Variants in UCK1 observed in about 807,000 individuals in gnomAD.
UCK1 encodes the protein uridine-cytidine kinase 1, also known as cytidine monophosphokinase 1.
A neutral mutation model predicts 34.0 loss-of-function variants in UCK1; 20 were observed. The ratio of observed to expected loss-of-function variants is 0.59; its 90% CI spans 0.41 to 0.86. The LOEUF (loss-of-function observed/expected upper bound fraction) is 0.86. UCK1 is among the 40% of genes least tolerant of loss of function. UCK1 has a pLI of 0.00. For synonymous variants in UCK1, 168 were observed against 155.9 expected (o/e 1.08, Z -0.58); for missense variants, 343 against 383.6 (o/e 0.89, Z 0.88).
intron 2 of UCK1, among the ~76,000 whole-genome samples, chr9:131,530,065 C>T (rs575766420): frequency 6.6e-6 from 1 of 152,240 alleles, no homozygotes; most frequent in Non-Finnish European, 1.5e-5. Context: ...CTTCAAGCCA[C>T]CAGCACTAGT....
At chr9:131,530,460 C>T in intron 2 of UCK1, 26 bp downstream of exon 2, 1 of 1,612,840 alleles carries the variant, frequency 6.2e-7, no homozygotes, top group Non-Finnish European at 8.5e-7. Flanking sequence ...GTCTGCCCTC[C>T]CCACATCGTT....
In UCK1 at chr9:131,524,996, C is replaced by T. The variant is rs1443240867; in HGVS notation, c.*44G>A. On this transcript the variant is annotated 3_prime_UTR_variant, in exon 7 of 7. Coordinates refer to ENST00000372215, the MANE Select transcript of UCK1 (RefSeq NM_031432.5). ...GGCGTCCCCAGGCTCAGTCCCTGAA[C>T]ACACATGCCGGGCGGGAGACCTGCC... 1 of 1,588,368 alleles carries T rather than the reference C, an allele frequency of 6.3e-7. No individual in the cohort carries two copies. Among genetic ancestry groups the T allele is most frequent in the East Asian group, 2.2e-5 (1 of 44,498 alleles).
At chr9:131,530,240 C>T (rs1004518612) in intron 2 of UCK1, among the ~76,000 whole-genome samples, 4 of 152,178 alleles carry the variant, frequency 2.6e-5, no homozygotes, top group Non-Finnish European at 5.9e-5. Context: ...GGGCAGGGCT[C>T]CCCACAGTGC....
chr9:131,528,189 A>G (rs1324801245), intron 5 of UCK1, among the ~76,000 whole-genome samples: 1 of 143,626 alleles, frequency 7.0e-6, no homozygotes, highest in Middle Eastern at 3.4e-3. Flanking sequence ...AAAAAAAAGC[A>G]GCAGATAGAA....
Position 131,523,867 on chromosome 9 carries a change from A to AT in UCK1, c.*1172_*1173insA, listed in dbSNP as rs1014753547. On this transcript the variant is annotated 3_prime_UTR_variant, in exon 7 of 7. Transcript: ENST00000372215. ...GGGGCCTAAGCTCGACAAAACCGTT[A>AT]CAGTTGTCAGAACCCAGCCACAGGG... 4.4e-4 allele frequency: 67 copies of AT among 152,552 alleles called. No homozygotes were observed. The highest frequency in any genetic ancestry group is 1.5e-3 in the African/African-American group (64 of 41,592). 9.4% of individuals were successfully genotyped at this position (152,552 alleles called of 1,614,324 possible).
chr9:131,526,010 G>A (rs2131978114), intron 5 of UCK1, 33 bp from the exon 6 acceptor site: 1 of 1,613,298 alleles, frequency 6.2e-7, no homozygotes, highest in Non-Finnish European at 8.5e-7. Context: ...TTCCTGTGAG[G>A]ACTTTTCCTT....
chr9:131,531,134 G>C lies in UCK1; in HGVS notation c.41C>G (p.Pro14Arg). 6.9e-7 allele frequency: 1 copy of C among 1,450,350 alleles called. No homozygotes were observed. The highest frequency in any genetic ancestry group is 9.0e-7 in the Non-Finnish European group (1 of 1,105,352). 89.8% of individuals were successfully genotyped at this position (1,450,350 alleles called of 1,614,324 possible). The change falls in exon 1 of 7, where the codon CCG becomes CGG. Residue 14 changes from proline to arginine, a missense_variant. By Grantham distance (103) the Pro-to-Arg change is moderately radical. Transcript: ENST00000372215. ...AGGEDCESPA[P>R]EADRPHQRPF... Reference sequence around the variant, plus strand: ...CCGCTGGTGCGGACGGTCGGCCTCCGGCGCGGGGCTCTCGCAGTCTTCGCC... The same window carrying C: ...CCGCTGGTGCGGACGGTCGGCCTCCCGCGCGGGGCTCTCGCAGTCTTCGCC...
At position 131,525,037 on chromosome 9, in the gene UCK1, C is replaced by G. The variant is rs1322174648; in HGVS notation, c.*3G>C. ...GAGACCTGCCCTGAGGCTCGGCAGCCCCTCAGTGGGGTCTGCTGCTGGACT... is the reference window on the plus strand; with the variant it reads ...GAGACCTGCCCTGAGGCTCGGCAGCGCCTCAGTGGGGTCTGCTGCTGGACT... On this transcript the variant is annotated 3_prime_UTR_variant, in exon 7 of 7. Coordinates refer to ENST00000372215, the MANE Select transcript of UCK1 (RefSeq NM_031432.5). The G allele has an allele frequency of 6.2e-7, 1 of 1,605,084 alleles. No individual in the cohort carries two copies. The highest frequency in any genetic ancestry group is 1.1e-5 in the South Asian group (1 of 90,896).
chr9:131,528,354 G>A (rs1331271237), intron 5 of UCK1, among the ~76,000 whole-genome samples: 1 of 152,228 alleles, frequency 6.6e-6, no homozygotes, highest in Non-Finnish European at 1.5e-5. Context: ...TGGAGAAATG[G>A]AGAAAAGACA....
intron 1 of UCK1, 156 bp from the exon 2 acceptor site, chr9:131,530,801 G>A: frequency 7.4e-7 from 1 of 1,360,474 alleles, no homozygotes; most frequent in Non-Finnish European, 1.0e-6. Flanking sequence ...CGGAAGGGCC[G>A]CGGGGGCCCA....
chr9:131,531,233 C>T lies in UCK1; in HGVS notation c.-59G>A, dbSNP rs998330388. ...GCCCGCCCCTTCCCCAGGCCCGGCG[C>T]GCCCGCCCAGCGCCGAGGTCGGAGG... On this transcript the variant is annotated 5_prime_UTR_variant, in exon 1 of 7. Coordinates refer to ENST00000372215, the MANE Select transcript of UCK1 (RefSeq NM_031432.5). 1.5e-6 allele frequency: 2 copies of T among 1,313,048 alleles called. No homozygotes were observed. The highest frequency in any genetic ancestry group is 1.9e-5 in the South Asian group (1 of 52,446). 81.3% of individuals were successfully genotyped at this position (1,313,048 alleles called of 1,614,324 possible).
chr9:131,530,735 C>T (rs766898983), intron 1 of UCK1, 90 bp from the exon 2 acceptor site: 1 of 1,611,746 alleles, frequency 6.2e-7, no homozygotes, highest in South Asian at 1.1e-5. Flanking sequence ...CCCACCCGCC[C>T]CCTGGGGGGT....
At chr9:131,526,529 A>G in intron 5 of UCK1, 1 of 1,289,226 alleles carries the variant, frequency 7.8e-7, no homozygotes, top group Non-Finnish European at 1.0e-6. Context: ...AAGGATGGAG[A>G]TATATCAGGA....
intron 5 of UCK1, 88 bp from the exon 6 acceptor site, chr9:131,526,065 G>C: frequency 1.3e-6 from 2 of 1,518,648 alleles, no homozygotes; most frequent in South Asian, 2.2e-5. Context: ...AACAGCAGGA[G>C]GGGCGGCCCT....
chr9:131,528,990 T>C lies in UCK1; in HGVS notation c.557A>G (p.Gln186Arg). The C allele has an allele frequency of 1.2e-6, 2 of 1,614,178 alleles. No individual in the cohort carries two copies. Among genetic ancestry groups the C allele is most frequent in the Non-Finnish European group, 1.7e-6 (2 of 1,180,034 alleles). The stretch of plus-strand genomic sequence containing the variant: ...GGCCGGCTTCACGAAGGTGGTGTAC[T>C]GCGTCAGAATCTGCTCCAGGTCCCT... ...RGRDLEQILT[Q>R]YTTFVKPAFE... Residue 186 changes from glutamine to arginine, a missense_variant, in exon 5 of 7, where the codon CAG becomes CGG. Coordinates refer to ENST00000372215, the MANE Select transcript of UCK1 (RefSeq NM_031432.5).
At chr9:131,526,754 A>G (rs1326263065) in intron 5 of UCK1, among the ~76,000 whole-genome samples, 12 of 152,210 alleles carry the variant, frequency 7.9e-5, no homozygotes, top group Non-Finnish European at 1.8e-4. Flanking sequence ...AAGCTGCAAG[A>G]GGCAGACAGG....
rs368615029 is a variant in UCK1 at position 131,525,091 on chromosome 9, C to T, written c.783G>A (p.Met261Ile). 30 of 1,613,572 alleles carry T rather than the reference C, an allele frequency of 1.9e-5. No homozygotes were observed. The highest frequency in any genetic ancestry group is 2.3e-5 in the Non-Finnish European group (27 of 1,179,968). Residue 261 changes from methionine to isoleucine, a missense_variant, in exon 7 of 7, where the codon ATG becomes ATA. Coordinates refer to ENST00000372215, the MANE Select transcript of UCK1 (RefSeq NM_031432.5). ...AATGTGACCGTTTGCCAGAGGTCAGCATCCCAGGGTGGTCCCCTGGCTCAG... is the reference window on the plus strand; with the variant it reads ...AATGTGACCGTTTGCCAGAGGTCAGTATCCCAGGGTGGTCCCCTGGCTCAG... The part of the protein sequence containing the change: ...TFSEPGDHPG[M>I]LTSGKRSHLE...
chr9:131,524,867 A>G lies in UCK1; in HGVS notation c.*173T>C. The stretch of plus-strand genomic sequence containing the variant: ...AGGAACGCCTGTCAGTGTCCCAGCA[A>G]GTTGAGTCTGAGTGACACATCTGAG... On this transcript the variant is annotated 3_prime_UTR_variant, in exon 7 of 7. Coordinates refer to ENST00000372215, the MANE Select transcript of UCK1 (RefSeq NM_031432.5). The G allele has an allele frequency of 2.7e-6, 2 of 732,614 alleles. No individual in the cohort carries two copies. 45.4% of individuals were successfully genotyped at this position (732,614 alleles called of 1,614,324 possible).
chr9:131,530,894 C>A (rs922859373), intron 1 of UCK1, among the ~76,000 whole-genome samples, 173 bp downstream of exon 1: 16 of 152,048 alleles, frequency 1.1e-4, no homozygotes, highest in Non-Finnish European at 2.1e-4. Context: ...AGCGCCCCAA[C>A]CCCTCGCCCG....
Sources: gnomAD v4.1 joint callset for allele counts (sites outside exome capture counted in the v4.1 genomes callset) on GRCh38, gnomAD v4.1.1 for gene constraint, MANE v1.5 for transcripts, NCBI Gene and HGNC (gene_info 2026-07-23, HGNC 2026-07-21) for gene names.